Variants in NF1 observed in about 807,000 individuals in gnomAD.
NF1 encodes the protein neurofibromin 1.
Under a neutral mutation model 325.7 loss-of-function variants are expected in NF1, and 122 were observed. The observed-to-expected ratio is 0.37, with a 90% CI of 0.32 to 0.44. The LOEUF (loss-of-function observed/expected upper bound fraction) is 0.44. NF1 is among the 20% of genes least tolerant of loss of function. The pLI, the probability that NF1 is intolerant of heterozygous loss-of-function variation, is 1.00. For synonymous variants in NF1, 1,091 were observed against 1,186.0 expected, an observed-to-expected ratio of 0.92 and a Z score of 1.65; for missense variants, 2,140 against 3,415.4, an observed-to-expected ratio of 0.63 and a Z score of 9.31.
chr17:31,321,140 T>G (rs1597823809), intron 36 of NF1: 1 of 152,240 alleles, frequency 6.6e-6, no homozygotes, highest in African/African-American at 2.4e-5. Context: ...AGTTTTCTTA[T>G]ATCTGATCAT....
In NF1 at chr17:31,336,966, T is replaced by C; in HGVS notation, c.6427+52T>C. 6.4e-7 allele frequency: 1 copy of C among 1,560,364 alleles called. No homozygotes were observed. The highest frequency in any genetic ancestry group is 8.7e-7 in the Non-Finnish European group (1 of 1,143,344). Reference sequence around the variant, plus strand: ...TTACCAGTTCCTTTCTCCATTTTACTTCACCTGATCAATATAGATTATCTT... The same window carrying C: ...TTACCAGTTCCTTTCTCCATTTTACCTCACCTGATCAATATAGATTATCTT... On this transcript the variant is annotated intron_variant, in intron 42 of 57. Transcript: ENST00000358273. This position sits in a 1 kb window ranked among gnomAD's most constrained non-coding sequence, Gnocchi z 5.5.
chr17:31,335,035 T>C lies in NF1; in HGVS notation c.6006+4T>C, dbSNP rs754909198. On this transcript the variant is annotated splice_donor_region_variant and intron_variant, in intron 40 of 57. Coordinates refer to ENST00000358273, the MANE Select transcript of NF1 (RefSeq NM_001042492.3). ...AATATGGGGAAGCCTTGGGCAGGTA[T>C]TGAGTTTGCTCAAATATTTATCTAG... The C allele has an allele frequency of 3.7e-6, 6 of 1,610,778 alleles. No individual in the cohort carries two copies. Among genetic ancestry groups the C allele is most frequent in the Middle Eastern group, 1.6e-4 (1 of 6,062 alleles).
At chr17:31,337,713 C>A in intron 43 of NF1, 106 bp from the exon 44 acceptor site, 1 of 1,397,946 alleles carries the variant, frequency 7.2e-7, no homozygotes, top group Non-Finnish European at 1.0e-6. Flanking sequence ...CTTGCATGGA[C>A]TGTGTTATTG....
In NF1 at chr17:31,336,208, G is replaced by T; in HGVS notation, c.6007-125G>T. ...CTGACAGGCCTGTAAATAAAATCTAGTATTTTTGAGGCCTCAGGTAAAATA... is the reference window on the plus strand; with the variant it reads ...CTGACAGGCCTGTAAATAAAATCTATTATTTTTGAGGCCTCAGGTAAAATA... On this transcript the variant is annotated intron_variant, in intron 40 of 57. Coordinates refer to ENST00000358273, the MANE Select transcript of NF1 (RefSeq NM_001042492.3). The surrounding 1 kb of genome is among the most constrained non-coding windows in gnomAD (Gnocchi z 5.5). 1 of 936,132 alleles carries T rather than the reference G, an allele frequency of 1.1e-6. No homozygotes were observed. Among genetic ancestry groups the T allele is most frequent in the South Asian group, 1.5e-5 (1 of 66,542 alleles). The allele number at this position is 936,132 out of a possible 1,614,324, so 58.0% of individuals were successfully genotyped here. A position where few individuals can be genotyped will look rare whatever the true frequency, so the allele number is the denominator to read the frequency against.
chr17:31,293,051 G>A (rs762886543), intron 36 of NF1, among the ~76,000 whole-genome samples: 10 of 151,594 alleles, frequency 6.6e-5, no homozygotes, highest in Non-Finnish European at 1.0e-4. Context: ...GGTGGCAGGC[G>A]CCTGTAATCC....
intron 5 of NF1, among the ~76,000 whole-genome samples, chr17:31,179,708 G>A (rs1226395921): frequency 1.3e-5 from 2 of 151,894 alleles, no homozygotes; most frequent in Non-Finnish European, 2.9e-5. Flanking sequence ...GCGTGCACCC[G>A]GGAGGCAGAG....
At chr17:31,099,400 A>G (rs1013536722) in intron 1 of NF1, among the ~76,000 whole-genome samples, 1 of 152,190 alleles carries the variant, frequency 6.6e-6, no homozygotes, top group Non-Finnish European at 1.5e-5. Context: ...TACCAATTTT[A>G]GAAGTAATCA....
At chr17:31,371,802 T>C (rs1279854833) in intron 57 of NF1, among the ~76,000 whole-genome samples, 2 of 152,234 alleles carry the variant, frequency 1.3e-5, no homozygotes, top group Non-Finnish European at 2.9e-5. Context: ...AGTGCACATG[T>C]TCATAAACAG....
In NF1 at chr17:31,326,118, C is replaced by G. The variant is rs1567611556; in HGVS notation, c.5134C>G (p.Pro1712Ala). ...CAAAAGGCTTGTTTTCATAGACTGT[C>G]CTGGGAAACTGGCTGAGCACATAGA... Reference protein sequence around the residue: ...GSKRLVFIDCPGKLAEHIEHE... With the variant: ...GSKRLVFIDCAGKLAEHIEHE... Residue 1712 changes from proline to alanine, a missense_variant, in exon 37 of 58, where the codon CCT becomes GCT. Around this residue, in one of 10 missense-constraint regions of NF1, gnomAD observed 147 missense variants for 186.7 expected, o/e 0.79. Transcript: ENST00000358273. 6.2e-7 allele frequency: 1 copy of G among 1,613,098 alleles called. No homozygotes were observed. Among genetic ancestry groups the G allele is most frequent in the Non-Finnish European group, 8.5e-7 (1 of 1,179,368 alleles).
rs2151451447 is a variant in NF1 at position 31,249,044 on chromosome 17, G to C, written c.4035G>C (p.Lys1345Asn). ...GGAACCTCCTTCAGATGACTGAAAA[G>C]TTCTTCCATGCCATCATCAGTTCCT... Reference protein sequence around the residue: ...NQRNLLQMTEKFFHAIISSSS... With the variant: ...NQRNLLQMTENFFHAIISSSS... The change falls in exon 30 of 58, where the codon AAG becomes AAC. Residue 1345 changes from lysine (K) to asparagine (N), a missense_variant. Coordinates refer to ENST00000358273, the MANE Select transcript of NF1 (RefSeq NM_001042492.3). 1 of 1,614,124 alleles carries C rather than the reference G, an allele frequency of 6.2e-7. No individual in the cohort carries two copies. The highest frequency in any genetic ancestry group is 1.1e-5 in the South Asian group (1 of 91,080).
At chr17:31,296,068 G>A (rs2068458062) in intron 36 of NF1, 1 of 1,613,902 alleles carries the variant, frequency 6.2e-7, no homozygotes, top group African/African-American at 1.3e-5. Flanking sequence ...TTTCAAGCCT[G>A]TTGTTTGAAA....
At chr17:31,132,649 C>G (rs1457040607) in intron 1 of NF1, among the ~76,000 whole-genome samples, 3 of 152,038 alleles carry the variant, frequency 2.0e-5, no homozygotes, top group Non-Finnish European at 2.9e-5. Flanking sequence ...CATTTTTCCC[C>G]TAACTTTTTA....
chr17:31,230,458 T>C (rs942269911), intron 23 of NF1, 76 bp downstream of exon 23: 5 of 1,546,074 alleles, frequency 3.2e-6, no homozygotes, highest in Admixed American at 1.7e-5. Flanking sequence ...AGAGTAGATA[T>C]GCGGTTATTG....
At chr17:31,253,329 A>T in intron 31 of NF1, 1 of 256,326 alleles carries the variant, frequency 3.9e-6, no homozygotes, top group Non-Finnish European at 7.8e-6. Flanking sequence ...GGAAACGCTG[A>T]CTGTCTTCAT....
Position 31,304,757 on chromosome 17 carries a change from C to G in NF1, c.4836-21063C>G, listed in dbSNP as rs113483471. On this transcript the variant is annotated intron_variant, in intron 36 of 57. Transcript: ENST00000358273. ...TCAAACAACTTAATTTCTAAGTCAT[C>G]TGCTAAAAGTGTGCTTTTGCTTGGT... is the stretch of plus-strand genomic sequence containing the variant. 7.4e-4 allele frequency: 1,198 copies of G among 1,614,152 alleles called. 6 individuals carry two copies. In the African/African-American group the frequency reaches 0.013, roughly 18 times the overall value.
Position 31,163,372 on chromosome 17 carries a change from A to G in NF1, c.475A>G (p.Thr159Ala), listed in dbSNP as rs371192107. The G allele has an allele frequency of 1.1e-5, 18 of 1,613,872 alleles. No individual in the cohort carries two copies. The highest frequency in any genetic ancestry group is 1.5e-5 in the Non-Finnish European group (18 of 1,179,892). The change falls in exon 4 of 58, where the codon ACC becomes GCC. Residue 159 changes from threonine to alanine, a missense_variant. By Grantham distance (58) the Thr-to-Ala change is moderately conservative. Around this residue, in one of 10 missense-constraint regions of NF1, gnomAD observed 246 missense variants for 347.8 expected, o/e 0.71. Transcript: ENST00000358273. ...NFNAVFSRIS[T>A]RLQELTVCSE... The stretch of plus-strand genomic sequence containing the variant: ...CAATGCAGTCTTTAGTCGCATTTCT[A>G]CCAGGTTAGTGTGTAAATCCACATG...
chr17:31,281,351 A>G (rs1256741837), intron 36 of NF1, among the ~76,000 whole-genome samples: 1 of 152,208 alleles, frequency 6.6e-6, no homozygotes, highest in East Asian at 1.9e-4. Context: ...CTAAGCCACA[A>G]AGTCTGCCCA....
chr17:31,222,285 T>G (rs2066938336), intron 15 of NF1: 1 of 1,048,138 alleles, frequency 9.5e-7, no homozygotes, highest in Admixed American at 5.4e-5. Flanking sequence ...AATACTGTTT[T>G]TTCAGTTTTT....
At chr17:31,213,792 A>G (rs1365388872) in intron 12 of NF1, among the ~76,000 whole-genome samples, 1 of 152,176 alleles carries the variant, frequency 6.6e-6, no homozygotes, top group Non-Finnish European at 1.5e-5. Flanking sequence ...AAATGCATGC[A>G]TTCTGTAACT....
Sources: gnomAD v4.1 joint callset for allele counts (sites outside exome capture counted in the v4.1 genomes callset) on GRCh38, gnomAD v4.1.1 for gene constraint, gnomAD v4.1.1 regional missense constraint, Gnocchi (gnomAD v3.1) non-coding constraint, MANE v1.5 for transcripts, NCBI Gene and HGNC (gene_info 2026-07-23, HGNC 2026-07-21) for gene names.